The following APP variants were observed in gnomAD, a reference collection of about 807,000 sequenced individuals.
APP encodes the protein amyloid beta precursor protein, also known as amyloid-beta precursor protein.
In APP, 31 loss-of-function variants were observed where a neutral mutation model predicts 101.4. That is an observed-to-expected ratio of 0.31 (90% CI 0.23 to 0.41). The LOEUF is 0.41. Ranked by LOEUF, APP falls within the 10% of genes least tolerant of loss-of-function variation. The probability of loss-of-function intolerance (pLI) is 1.00; values close to 1 mark genes in which losing one functional copy is unlikely to be tolerated. For synonymous variants in APP, 366 were observed against 364.4 expected (o/e 1.00, Z -0.05); for missense variants, 839 against 1,003.7 (o/e 0.84, Z 2.22).
intron 13 of APP, among the ~76,000 whole-genome samples, chr21:25,938,311 C>A (rs1248812227): frequency 6.6e-6 from 1 of 152,048 alleles, no homozygotes; most frequent in Non-Finnish European, 1.5e-5. Context: ...ATTCACATGG[C>A]CAGTTTATAG....
chr21:26,077,062 CAAA>C (rs35080722), intron 3 of APP, among the ~76,000 whole-genome samples: 44 of 110,106 alleles, frequency 4.0e-4, no homozygotes, highest in African/African-American at 7.3e-4. Context: ...GACTCTGTCT[CAAA>C]AAAAAAAAAA....
chr21:26,167,796 T>C (rs1277279314), intron 1 of APP, among the ~76,000 whole-genome samples: 1 of 152,218 alleles, frequency 6.6e-6, no homozygotes, highest in Non-Finnish European at 1.5e-5. Flanking sequence ...TCCGCAGTAC[T>C]AATAGCCTTG....
intron 1 of APP, among the ~76,000 whole-genome samples, chr21:26,123,364 A>T (rs2062615192): frequency 6.6e-6 from 1 of 152,186 alleles, no homozygotes; most frequent in Non-Finnish European, 1.5e-5. Flanking sequence ...AACCCAAGAT[A>T]ATTTTCAAAC....
chr21:25,956,459 T>A (rs1196279119), intron 11 of APP, among the ~76,000 whole-genome samples: 1 of 152,216 alleles, frequency 6.6e-6, no homozygotes, highest in Non-Finnish European at 1.5e-5. Context: ...ACATCCATCC[T>A]AATAAAAACT....
intron 15 of APP, chr21:25,897,917 C>T (rs1236245963): frequency 1.9e-6 from 1 of 524,462 alleles, no homozygotes; most frequent in African/African-American, 1.9e-5. Context: ...CCTTTAAATA[C>T]ATGCTATAAT....
chr21:26,070,665 T>G (rs956880570), intron 3 of APP, among the ~76,000 whole-genome samples: 1 of 152,156 alleles, frequency 6.6e-6, no homozygotes, highest in South Asian at 2.1e-4. Context: ...AATCTATCTA[T>G]AGATAACCAA....
intron 12 of APP, 25 bp downstream of exon 12, chr21:25,955,602 G>A (rs765891840): frequency 5.0e-6 from 8 of 1,613,910 alleles, no homozygotes; most frequent in Non-Finnish European, 6.8e-6. Context: ...CAAAGCTGCA[G>A]AAGATGATTA....
chr21:25,983,005 C>T (rs2146604005), intron 8 of APP, among the ~76,000 whole-genome samples: 1 of 149,314 alleles, frequency 6.7e-6, no homozygotes, highest in Non-Finnish European at 1.5e-5. Flanking sequence ...AGTATGGAAA[C>T]ACGACAAAAG....
At position 25,975,214 on chromosome 21, in the gene APP, T is replaced by A; in HGVS notation, c.1314A>T (p.Lys438Asn). Residue 438 changes from lysine (K) to asparagine (N), a missense_variant, in exon 11 of 18, where the codon AAA becomes AAT. Lys to Asn is a moderately conservative substitution (Grantham distance 94). Coordinates refer to ENST00000346798, the MANE Select transcript of APP (RefSeq NM_000484.4). Reference sequence around the variant, plus strand: ...CTGCTTCCTGTTCCAAAGATTCCACTTTCTCCTGGAAATGCTGCCATCATA... The same window carrying A: ...CTGCTTCCTGTTCCAAAGATTCCACATTCTCCTGGAAATGCTGCCATCATA... ...KKAVIQHFQE[K>N]VESLEQEAAN... 6.2e-7 allele frequency: 1 copy of A among 1,614,118 alleles called. No homozygotes were observed. The highest frequency in any genetic ancestry group is 8.5e-7 in the Non-Finnish European group (1 of 1,180,012).
intron 5 of APP, among the ~76,000 whole-genome samples, chr21:26,037,540 G>C (rs2045172994): frequency 6.6e-6 from 1 of 152,108 alleles, no homozygotes; most frequent in Non-Finnish European, 1.5e-5. Context: ...TTAAAATGTT[G>C]CTAGGTGTGT....
At chr21:25,999,415 C>CT (rs2043184145) in intron 7 of APP, among the ~76,000 whole-genome samples, 1 of 152,212 alleles carries the variant, frequency 6.6e-6, no homozygotes. Flanking sequence ...TGGCAAATGT[C>CT]TGTGTGCTGA....
At chr21:26,162,528 T>C (rs1472897421) in intron 1 of APP, among the ~76,000 whole-genome samples, 2 of 152,002 alleles carry the variant, frequency 1.3e-5, no homozygotes, top group African/African-American at 2.4e-5. Context: ...ACTAAACAAA[T>C]GAGTTTGTAG....
At chr21:26,053,117 GT>G in intron 4 of APP, 118 bp downstream of exon 4, 1 of 838,540 alleles carries the variant, frequency 1.2e-6, no homozygotes, top group Admixed American at 1.8e-5. Flanking sequence ...GTAGCACTGG[GT>G]TTTTTTCTTA....
At chr21:26,000,347 C>T (rs2043240113) in intron 6 of APP, among the ~76,000 whole-genome samples, 165 bp from the exon 7 acceptor site, 1 of 152,138 alleles carries the variant, frequency 6.6e-6, no homozygotes, top group Non-Finnish European at 1.5e-5. Context: ...GCCACCAGGA[C>T]TAGAGATTTA....
chr21:25,936,291 C>T (rs555215255), intron 13 of APP, among the ~76,000 whole-genome samples: 8 of 152,122 alleles, frequency 5.3e-5, no homozygotes, highest in South Asian at 2.1e-4. Context: ...GCGGGGCTCA[C>T]GCCTGTAATC....
intron 1 of APP, chr21:26,140,332 G>C: frequency 5.3e-6 from 8 of 1,523,118 alleles, no homozygotes; most frequent in Non-Finnish European, 7.0e-6. Context: ...GGGAGGGTGA[G>C]TCAACAGCAT....
At chr21:26,062,230 A>ACACACACACACACACAC (rs57087990) in intron 3 of APP, among the ~76,000 whole-genome samples, 5 of 145,154 alleles carry the variant, frequency 3.4e-5, no homozygotes, top group African/African-American at 1.0e-4. Context: ...CAAACAAACA[A>ACACACACACACACACAC]ACACACACAC....
intron 13 of APP, among the ~76,000 whole-genome samples, chr21:25,926,796 G>A (rs2039914455): frequency 6.6e-6 from 1 of 152,018 alleles, no homozygotes; most frequent in Admixed American, 6.6e-5. Context: ...GAGGTCAGGA[G>A]ATCGAGAGCA....
chr21:26,084,227 ATTTTTTTTTTTTTTTT>A (rs869179482), intron 3 of APP, among the ~76,000 whole-genome samples: 25 of 83,064 alleles, frequency 3.0e-4, no homozygotes, highest in African/African-American at 1.1e-3. Flanking sequence ...GAAGGGCTCC[ATTTTTTTTTTTTTTTT>A]TTTTTTTTTT....
Sources: allele counts gnomAD v4.1 joint callset (sites outside exome capture counted in the v4.1 genomes callset), GRCh38; gene constraint gnomAD v4.1.1; transcripts MANE v1.5; gene names NCBI Gene and HGNC (gene_info 2026-07-23, HGNC 2026-07-21).